The following KANK1 variants were observed in gnomAD, a reference collection of about 807,000 sequenced individuals.
The protein encoded by KANK1 is KN motif and ankyrin repeat domain-containing protein 1.
Under a neutral mutation model 106.2 loss-of-function variants are expected in KANK1, and 109 were observed. That is an observed-to-expected ratio of 1.03 (90% CI 0.88 to 1.20). The LOEUF is 1.20. KANK1 is among the 50% of genes most tolerant of loss of function. The pLI, the probability that KANK1 is intolerant of heterozygous loss-of-function variation, is 0.00. For missense variants in KANK1, 2,399 were observed against 1,710.7 expected (o/e 1.40, Z -7.10); for synonymous variants, 873 against 652.2 (o/e 1.34, Z -5.16).
In KANK1 at chr9:732,513, A is replaced by T. The variant is rs770220903; in HGVS notation, c.3141A>T (p.Ala1047=). Residue 1047 remains alanine (A), a synonymous_variant, in exon 6 of 12, where the codon GCA becomes GCT. Coordinates refer to ENST00000382297, the MANE Select transcript of KANK1 (RefSeq NM_015158.5). ...EEEDEDTRGM[A]EGHHAVNIEG... ...AGGATGAAGACACTCGGGGAATGGC[A>T]GAAGGGCACCATGCAGTTAATATTG... The T allele has an allele frequency of 1.9e-6, 3 of 1,614,202 alleles. No homozygotes were observed. In the South Asian group the frequency reaches 3.3e-5, roughly 18 times the overall value.
At chr9:538,891 T>G (rs1038738377) in intron 1 of KANK1, among the ~76,000 whole-genome samples, 2 of 152,204 alleles carry the variant, frequency 1.3e-5, no homozygotes. Context: ...TTTTTATTTA[T>G]TTATTTTTTG....
In KANK1 at chr9:526,904, C is replaced by T. The variant is rs545446921; in HGVS notation, c.-84+22150C>T. On this transcript the variant is annotated intron_variant, in intron 1 of 11. Transcript: ENST00000382297. ...ATATAACTCTTATGACTTCCCCCAACACGTCTCTTCTCCTGCTGTAATATT... is the reference window on the plus strand; with the variant it reads ...ATATAACTCTTATGACTTCCCCCAATACGTCTCTTCTCCTGCTGTAATATT... 4.5e-4 allele frequency among the ~76,000 whole-genome samples: 69 copies of T among 151,872 alleles called. 1 individual carries two copies. The highest frequency in any genetic ancestry group is 2.7e-3 in the South Asian group (13 of 4,824).
chr9:719,465 A>G (rs1289476232), intron 3 of KANK1, among the ~76,000 whole-genome samples: 2 of 152,238 alleles, frequency 1.3e-5, no homozygotes. Flanking sequence ...GCACAGCTAC[A>G]TGGTTAGTTA....
intron 3 of KANK1, among the ~76,000 whole-genome samples, chr9:497,811 C>T (rs1293969097): frequency 6.6e-6 from 1 of 151,646 alleles, no homozygotes; most frequent in South Asian, 2.1e-4. Flanking sequence ...CGTGATTGTG[C>T]CACTGCACTC....
At chr9:705,909 T>G (rs1415489950) in intron 2 of KANK1, among the ~76,000 whole-genome samples, 1 of 151,746 alleles carries the variant, frequency 6.6e-6, no homozygotes, top group African/African-American at 2.4e-5. Flanking sequence ...CAAAAAAAAT[T>G]TTTTTTAATT....
chr9:482,556 A>C (rs909283163), intron 3 of KANK1, among the ~76,000 whole-genome samples: 3 of 152,224 alleles, frequency 2.0e-5, no homozygotes, highest in Non-Finnish European at 4.4e-5. Context: ...TAACACATGC[A>C]AAGTCATACA....
chr9:564,927 G>C (rs1817443103), intron 1 of KANK1, among the ~76,000 whole-genome samples: 1 of 152,212 alleles, frequency 6.6e-6, no homozygotes, highest in Non-Finnish European at 1.5e-5. Flanking sequence ...GGGAAATGAA[G>C]ACACTTGGCA....
At chr9:666,162 CAG>C (rs1048876282) in intron 1 of KANK1, among the ~76,000 whole-genome samples, 2 of 151,248 alleles carry the variant, frequency 1.3e-5, no homozygotes, top group Middle Eastern at 3.4e-3. Context: ...ACCTGGGTGA[CAG>C]AGCAAAACCC....
intron 3 of KANK1, 112 bp downstream of exon 3, chr9:713,576 A>G (rs149593664): frequency 2.6e-6 from 3 of 1,172,682 alleles, no homozygotes; most frequent in South Asian, 3.2e-5. Flanking sequence ...AGAAATGGAG[A>G]AAGTTTTAGA....
chr9:635,699 T>A (rs1836952925), intron 1 of KANK1, among the ~76,000 whole-genome samples: 1 of 127,738 alleles, frequency 7.8e-6, no homozygotes, highest in Non-Finnish European at 1.8e-5. Flanking sequence ...TTATTCTTTT[T>A]TTTTTTTTTT....
At chr9:578,551 C>T (rs560040140) in intron 1 of KANK1, among the ~76,000 whole-genome samples, 8 of 151,874 alleles carry the variant, frequency 5.3e-5, no homozygotes, top group South Asian at 4.1e-4. Flanking sequence ...AATTGTTTTC[C>T]CCTGGAACAT....
intron 1 of KANK1, among the ~76,000 whole-genome samples, chr9:562,907 T>A (rs1201353243): frequency 6.6e-6 from 1 of 152,154 alleles, no homozygotes; most frequent in Non-Finnish European, 1.5e-5. Flanking sequence ...CATTTCATTG[T>A]TTTATTAACA....
chr9:714,360 CA>C (rs1827100967), intron 3 of KANK1, among the ~76,000 whole-genome samples: 1 of 86,170 alleles, frequency 1.2e-5, no homozygotes, highest in African/African-American at 5.5e-5. Flanking sequence ...TTTTCCCACT[CA>C]TTTTTTTTTT....
At chr9:599,020 A>ATTTT (rs71314718) in intron 1 of KANK1, among the ~76,000 whole-genome samples, 2 of 130,194 alleles carry the variant, frequency 1.5e-5, no homozygotes, top group Non-Finnish European at 3.2e-5. Context: ...TATTATTATT[A>ATTTT]TTTTTTTTTT....
At chr9:483,765 G>T (rs1438775507) in intron 3 of KANK1, among the ~76,000 whole-genome samples, 3 of 152,168 alleles carry the variant, frequency 2.0e-5, no homozygotes, top group Non-Finnish European at 2.9e-5. Flanking sequence ...CCTCAGGGTA[G>T]AGGAGAGGGC....
intron 1 of KANK1, among the ~76,000 whole-genome samples, chr9:655,352 CAA>C (rs1271401159): frequency 2.3e-5 from 3 of 132,332 alleles, no homozygotes; most frequent in African/African-American, 5.9e-5. Context: ...GCCTGGGAAA[CAA>C]GAGCAAAATT....
chr9:732,755 T>G (rs1357827765), intron 6 of KANK1, 138 bp downstream of exon 6: 2 of 910,698 alleles, frequency 2.2e-6, no homozygotes, highest in Non-Finnish European at 1.7e-6. Context: ...CTTGAGATAC[T>G]AATATATACA....
At chr9:732,352 C>T in intron 5 of KANK1, 26 bp from the exon 6 acceptor site, 5 of 1,598,120 alleles carry the variant, frequency 3.1e-6, no homozygotes, top group Non-Finnish European at 4.3e-6. Context: ...CACCTTGCAT[C>T]TCCTGAAATC....
chr9:602,121 T>G (rs1446687017), intron 1 of KANK1, among the ~76,000 whole-genome samples: 1 of 151,976 alleles, frequency 6.6e-6, no homozygotes, highest in Non-Finnish European at 1.5e-5. Flanking sequence ...TCTTTATCAA[T>G]GGAATAGATT....
Sources: allele counts gnomAD v4.1 joint callset (sites outside exome capture counted in the v4.1 genomes callset), GRCh38; gene constraint gnomAD v4.1.1; transcripts MANE v1.5; gene names NCBI Gene and HGNC (gene_info 2026-07-23, HGNC 2026-07-21).